Variants in RDH12 observed in about 807,000 individuals in gnomAD.
RDH12 encodes all-trans and 9-cis retinol dehydrogenase.
Under a neutral mutation model 34.0 loss-of-function variants are expected in RDH12, and 21 were observed. The observed-to-expected ratio is 0.62, with a 90% CI of 0.44 to 0.89. The LOEUF (loss-of-function observed/expected upper bound fraction) is 0.89. Ranked by LOEUF, RDH12 falls within the 40% of genes least tolerant of loss-of-function variation. The pLI, the probability that RDH12 is intolerant of heterozygous loss-of-function variation, is 0.00. For synonymous variants in RDH12, 198 were observed against 169.9 expected, an observed-to-expected ratio of 1.17 and a Z score of -1.29; for missense variants, 394 against 398.6, an observed-to-expected ratio of 0.99 and a Z score of 0.10.
chr14:67,726,436 AG>A (rs2038186642), intron 6 of RDH12, among the ~76,000 whole-genome samples: 1 of 152,240 alleles, frequency 6.6e-6, no homozygotes, highest in South Asian at 2.1e-4. Context: ...CTTGCCAGGC[AG>A]GGCCAGACCT....
rs2038321400 is a variant in RDH12 at position 67,734,039 on chromosome 14, G to C, written c.*191G>C. On this transcript the variant is annotated 3_prime_UTR_variant, in exon 9 of 9. Transcript: ENST00000551171. ...CTTGTGAGACTGGCTTATGGCATGA[G>C]TTGTGGACACCTATAGAGTGTTCTT... 2 of 525,966 alleles carry C rather than the reference G, an allele frequency of 3.8e-6. No individual in the cohort carries two copies. Among genetic ancestry groups the C allele is most frequent in the Non-Finnish European group, 7.2e-6 (2 of 279,304 alleles). 32.6% of individuals were successfully genotyped at this position (525,966 alleles called of 1,614,324 possible). A position where few individuals can be genotyped will look rare whatever the true frequency, so the allele number is the denominator to read the frequency against.
rs1240014393 is a variant in RDH12 at position 67,722,481 on chromosome 14, G to A, written c.-162G>A. The A allele has an allele frequency of 2.7e-6, 2 of 750,170 alleles. No homozygotes were observed. The highest frequency in any genetic ancestry group is 4.9e-6 in the Non-Finnish European group (2 of 406,478). 46.5% of individuals were successfully genotyped at this position (750,170 alleles called of 1,614,324 possible). ...GCTCTTGGATTTAAATAGGATTCTG[G>A]GCTCTGCTCAGAGTCAGGCTGCTGC... On this transcript the variant is annotated 5_prime_UTR_variant, in exon 3 of 9. Transcript: ENST00000551171.
At chr14:67,723,341 C>A (rs1377197684) in intron 3 of RDH12, among the ~76,000 whole-genome samples, 2 of 152,180 alleles carry the variant, frequency 1.3e-5, no homozygotes, top group Admixed American at 6.5e-5. Flanking sequence ...TCAAGCAACC[C>A]TCCTGCCTCA....
chr14:67,706,454 A>T (rs978497561), intron 1 of RDH12, among the ~76,000 whole-genome samples: 1 of 152,202 alleles, frequency 6.6e-6, no homozygotes, highest in African/African-American at 2.4e-5. Context: ...GGTTTTATAC[A>T]TTCTAGGGAG....
chr14:67,725,028 A>C, intron 4 of RDH12, 71 bp from the exon 5 acceptor site: 5 of 1,551,002 alleles, frequency 3.2e-6, no homozygotes, highest in Non-Finnish European at 4.5e-6. Flanking sequence ...CCCCAGTCCC[A>C]AGCTCACTTA....
At chr14:67,713,737 G>T (rs926115146) in intron 1 of RDH12, among the ~76,000 whole-genome samples, 1 of 152,214 alleles carries the variant, frequency 6.6e-6, no homozygotes, top group Non-Finnish European at 1.5e-5. Flanking sequence ...CTGACGACAT[G>T]TGTCCAGGAT....
In RDH12 at chr14:67,727,074, G is replaced by A. The variant is rs374403088; in HGVS notation, c.542G>A (p.Gly181Asp). 3.1e-6 allele frequency: 5 copies of A among 1,613,982 alleles called. No homozygotes were observed. The African/African-American group carries it at 6.7e-5, about 22-fold the overall frequency. The change falls in exon 7 of 9, where the codon GGC becomes GAC. Residue 181 changes from glycine to aspartate, a missense_variant. Physicochemically the swap from Gly to Asp is moderately conservative, Grantham distance 94. Transcript: ENST00000551171. ...GTGTCCTCGGTGGCTCACCACATTG[G>A]CAAGATTCCCTTCCACGACCTCCAG... is the stretch of plus-strand genomic sequence containing the variant. The part of the protein sequence containing the change: ...VNVSSVAHHI[G>D]KIPFHDLQSE...
At chr14:67,722,773 C>T (rs2038139911) in intron 3 of RDH12, 63 bp downstream of exon 3, 1 of 1,344,840 alleles carries the variant, frequency 7.4e-7, no homozygotes, top group Admixed American at 1.7e-5. Flanking sequence ...AGCCGGTTCT[C>T]AGCTGCTGAA....
At chr14:67,728,052 T>A (rs1407810900) in intron 7 of RDH12, 1 of 152,194 alleles carries the variant, frequency 6.6e-6, no homozygotes, top group African/African-American at 2.4e-5. Flanking sequence ...CCTGACTTCA[T>A]CTTCTCAGCT....
intron 1 of RDH12, among the ~76,000 whole-genome samples, chr14:67,716,058 G>A (rs971731508): frequency 6.6e-6 from 1 of 152,104 alleles, no homozygotes; most frequent in African/African-American, 2.4e-5. Flanking sequence ...TTAGCCGGGG[G>A]TGGTAGCCGG....
Position 67,726,033 on chromosome 14 carries a change from T to C in RDH12, c.344-18T>C, listed in dbSNP as rs1377610444. ...GACTCCTTGCTAACCATAGGATCTC[T>C]TTGGTTGTGCCCTATAGAGGAAAAG... On this transcript the variant is annotated intron_variant, in intron 5 of 8. Transcript: ENST00000551171. The C allele has an allele frequency of 1.6e-5, 25 of 1,571,318 alleles. No individual in the cohort carries two copies. The highest frequency in any genetic ancestry group is 2.2e-5 in the Non-Finnish European group (25 of 1,141,250).
intron 1 of RDH12, among the ~76,000 whole-genome samples, chr14:67,704,015 T>A (rs1447858390): frequency 6.6e-6 from 1 of 152,246 alleles, no homozygotes; most frequent in Non-Finnish European, 1.5e-5. Context: ...ATTTTTAAAA[T>A]ATTAATCTCT....
chr14:67,712,632 T>A (rs1489844035), intron 1 of RDH12, among the ~76,000 whole-genome samples: 1 of 152,276 alleles, frequency 6.6e-6, no homozygotes, highest in East Asian at 1.9e-4. Context: ...GAGCTCATTT[T>A]AAAAAATCTT....
intron 8 of RDH12, among the ~76,000 whole-genome samples, chr14:67,730,375 T>G (rs775962040): frequency 7.9e-5 from 12 of 152,190 alleles, no homozygotes; most frequent in Non-Finnish European, 1.8e-4. Flanking sequence ...AAGTGTACAG[T>G]GCATACCAGA....
In RDH12 at chr14:67,733,902, G is replaced by C. The variant is rs535737403; in HGVS notation, c.*54G>C. On this transcript the variant is annotated 3_prime_UTR_variant, in exon 9 of 9. Transcript: ENST00000551171. ...CCCAATCCATGCCATAATGAACAGGGACCAAGGAGAAGGCCAACCCTAAAG... is the reference window on the plus strand; with the variant it reads ...CCCAATCCATGCCATAATGAACAGGCACCAAGGAGAAGGCCAACCCTAAAG... The C allele has an allele frequency of 4.7e-4, 646 of 1,373,824 alleles. 8 individuals are homozygous for C. In the South Asian group the frequency reaches 7.3e-3, roughly 15 times the overall value. The allele number at this position is 1,373,824 out of a possible 1,614,324, so 85.1% of individuals were successfully genotyped here. A position where few individuals can be genotyped will look rare whatever the true frequency, so the allele number is the denominator to read the frequency against.
intron 1 of RDH12, among the ~76,000 whole-genome samples, chr14:67,713,267 A>AAAAAC (rs1473217039): frequency 1.3e-5 from 2 of 151,484 alleles, no homozygotes; most frequent in Non-Finnish European, 2.9e-5. Context: ...CAAACAAACA[A>AAAAAC]AAAACAAAAC....
At chr14:67,705,166 G>A (rs2037938204) in intron 1 of RDH12, among the ~76,000 whole-genome samples, 1 of 152,220 alleles carries the variant, frequency 6.6e-6, no homozygotes, top group Non-Finnish European at 1.5e-5. Flanking sequence ...AAGTTGGAAT[G>A]ATTTTATAAG....
chr14:67,710,602 C>A (rs1031793233), intron 1 of RDH12, among the ~76,000 whole-genome samples: 1 of 151,916 alleles, frequency 6.6e-6, no homozygotes. Flanking sequence ...CAAAAAAAAT[C>A]TTTATTTTTA....
chr14:67,702,823 T>A (rs1319474418), intron 1 of RDH12, among the ~76,000 whole-genome samples: 2 of 152,208 alleles, frequency 1.3e-5, no homozygotes, highest in East Asian at 3.9e-4. Context: ...ATTTTTTGAT[T>A]TGTCTTTTGA....
Sources: allele counts gnomAD v4.1 joint callset (sites outside exome capture counted in the v4.1 genomes callset), GRCh38; gene constraint gnomAD v4.1.1; transcripts MANE v1.5; gene names NCBI Gene and HGNC (gene_info 2026-07-23, HGNC 2026-07-21).